Variants in ALK observed in about 807,000 individuals in gnomAD.
The protein encoded by ALK is ALK receptor tyrosine kinase.
ALK carries 74 observed loss-of-function variants against 163.1 expected under a neutral mutation model. The ratio of observed to expected loss-of-function variants is 0.45; its 90% CI spans 0.38 to 0.55. The LOEUF is 0.55. ALK is among the 20% of genes least tolerant of loss of function. The probability of loss-of-function intolerance (pLI) is 0.00; values close to 1 mark genes in which losing one functional copy is unlikely to be tolerated. For missense variants in ALK, 2,063 were observed against 2,105.3 expected (o/e 0.98, Z 0.39); for synonymous variants, 960 against 843.2 (o/e 1.14, Z -2.40).
chr2:29,673,354 A>G (rs1219471286), intron 3 of ALK, among the ~76,000 whole-genome samples: 5 of 127,952 alleles, frequency 3.9e-5, no homozygotes, highest in South Asian at 2.8e-4. Context: ...TGATTTTTGT[A>G]TAAGGTGTAA....
At chr2:29,709,546 G>T (rs554992910) in intron 2 of ALK, among the ~76,000 whole-genome samples, 2 of 152,148 alleles carry the variant, frequency 1.3e-5, no homozygotes, top group African/African-American at 4.8e-5. Context: ...AATGCTTAAC[G>T]TCTAGGAAGA....
chr2:29,850,194 T>C (rs1308666765), intron 1 of ALK, among the ~76,000 whole-genome samples: 1 of 151,998 alleles, frequency 6.6e-6, no homozygotes, highest in Admixed American at 6.6e-5. Flanking sequence ...TGGACATAGC[T>C]CACAAACATC....
At chr2:29,712,175 G>T (rs566950893) in intron 2 of ALK, among the ~76,000 whole-genome samples, 1 of 152,290 alleles carries the variant, frequency 6.6e-6, no homozygotes, top group African/African-American at 2.4e-5. Context: ...GGGCCCTCCA[G>T]GTGATAGGTG....
intron 1 of ALK, among the ~76,000 whole-genome samples, chr2:29,742,388 G>A (rs1445862422): frequency 6.6e-6 from 1 of 152,188 alleles, no homozygotes; most frequent in East Asian, 1.9e-4. Context: ...ACTGAGACCT[G>A]AGCTGGAGTT....
At chr2:29,826,216 G>A (rs1227030458) in intron 1 of ALK, among the ~76,000 whole-genome samples, 1 of 152,016 alleles carries the variant, frequency 6.6e-6, no homozygotes, top group East Asian at 1.9e-4. Flanking sequence ...TCCATATGGG[G>A]TAGTAGAAAT....
At chr2:29,313,520 A>C (rs1666748749) in intron 8 of ALK, among the ~76,000 whole-genome samples, 2 of 152,132 alleles carry the variant, frequency 1.3e-5, no homozygotes, top group Admixed American at 1.3e-4. Context: ...TGGGGCTCTG[A>C]GTTAGGTGAC....
rs551142505 is a variant in ALK, at chr2:29,399,199, A to C, written c.1155-15340T>G. The stretch of plus-strand genomic sequence containing the variant: ...TCTCTTAGGAGCTCTAAGAGGTAGG[A>C]ATTGTTGTTCCCATTGCACAGATTA... On this transcript the variant is annotated intron_variant, in intron 4 of 28. Transcript: ENST00000389048. Among the ~76,000 whole-genome samples, 7 of 152,228 alleles carry C rather than the reference A, an allele frequency of 4.6e-5. No homozygotes were observed. The South Asian group carries it at 1.5e-3, about 32-fold the overall frequency.
chr2:29,393,092 A>T (rs1416808039), intron 4 of ALK, among the ~76,000 whole-genome samples: 1 of 152,178 alleles, frequency 6.6e-6, no homozygotes, highest in Non-Finnish European at 1.5e-5. Context: ...GCTCAAGGTT[A>T]TTCTTTAGTA....
At chr2:29,374,375 A>G (rs1040164179) in intron 5 of ALK, among the ~76,000 whole-genome samples, 10 of 152,168 alleles carry the variant, frequency 6.6e-5, no homozygotes, top group African/African-American at 2.2e-4. Flanking sequence ...CTGATTCTAA[A>G]GCCTCTAATC....
intron 3 of ALK, among the ~76,000 whole-genome samples, chr2:29,597,234 C>T (rs993869677): frequency 7.2e-5 from 11 of 152,304 alleles, no homozygotes; most frequent in African/African-American, 1.2e-4. Context: ...AATCCCCTGA[C>T]GGGCAGTGAC....
At chr2:29,594,685 C>T (rs1247981984) in intron 3 of ALK, among the ~76,000 whole-genome samples, 2 of 151,822 alleles carry the variant, frequency 1.3e-5, no homozygotes, top group African/African-American at 2.4e-5. Context: ...CCTGGGCCTC[C>T]GAAAGTGCTG....
At chr2:29,721,338 T>C (rs556571461) in intron 1 of ALK, among the ~76,000 whole-genome samples, 1 of 152,248 alleles carries the variant, frequency 6.6e-6, no homozygotes, top group Admixed American at 6.5e-5. Context: ...AGCAGGTAGA[T>C]GTGGTAGTGG....
chr2:29,216,257 T>G (rs1441620119), intron 23 of ALK, among the ~76,000 whole-genome samples: 6 of 152,208 alleles, frequency 3.9e-5, no homozygotes, highest in African/African-American at 1.4e-4. Context: ...CTCCCCATGG[T>G]GGGTTTGCAG....
chr2:29,337,881 T>C (rs1232546402), intron 5 of ALK, among the ~76,000 whole-genome samples: 1 of 152,194 alleles, frequency 6.6e-6, no homozygotes, highest in Non-Finnish European at 1.5e-5. Flanking sequence ...GAGAAAATAA[T>C]ACTAGGCTCC....
intron 5 of ALK, among the ~76,000 whole-genome samples, chr2:29,336,207 C>G (rs189267408): frequency 1.3e-5 from 2 of 152,190 alleles, no homozygotes; most frequent in African/African-American, 2.4e-5. Flanking sequence ...GATCTCAAAT[C>G]CTGCCTCGAA....
chr2:29,275,536 G>A (rs780187360), intron 9 of ALK, 40 bp from the exon 10 acceptor site: 2 of 1,605,056 alleles, frequency 1.2e-6, no homozygotes, highest in Non-Finnish European at 1.7e-6. Flanking sequence ...GAGCAAACTG[G>A]GGGGTCTTGT....
At chr2:29,553,570 C>T (rs1673769295) in intron 3 of ALK, among the ~76,000 whole-genome samples, 1 of 152,188 alleles carries the variant, frequency 6.6e-6, no homozygotes, top group Non-Finnish European at 1.5e-5. Flanking sequence ...AACATGCTCA[C>T]TCCTTGACAG....
intron 3 of ALK, among the ~76,000 whole-genome samples, chr2:29,576,431 T>C (rs1452214301): frequency 6.6e-6 from 1 of 152,206 alleles, no homozygotes; most frequent in Non-Finnish European, 1.5e-5. Context: ...ACTTGGCAAA[T>C]GCCCTCAACT....
chr2:29,503,695 T>C (rs755418308), intron 4 of ALK, among the ~76,000 whole-genome samples: 1 of 152,028 alleles, frequency 6.6e-6, no homozygotes, highest in Non-Finnish European at 1.5e-5. Flanking sequence ...AACAGCTGCA[T>C]CTTCAGGAAT....
Sources: gnomAD v4.1 joint callset for allele counts (sites outside exome capture counted in the v4.1 genomes callset) on GRCh38, gnomAD v4.1.1 for gene constraint, MANE v1.5 for transcripts, NCBI Gene and HGNC (gene_info 2026-07-23, HGNC 2026-07-21) for gene names.